RIC3: variants seen among roughly 807,000 people sequenced by gnomAD.
The protein encoded by RIC3 is RIC3 acetylcholine receptor chaperone, also known as protein RIC-3.
Under a neutral mutation model 27.3 loss-of-function variants are expected in RIC3, and 28 were observed. The observed-to-expected ratio is 1.02, with a 90% confidence interval of 0.76 to 1.41. The LOEUF is 1.41. RIC3 is among the 40% of genes most tolerant of loss of function. The probability of loss-of-function intolerance (pLI) is 0.00; values close to 1 mark genes in which losing one functional copy is unlikely to be tolerated. For missense variants in RIC3, 501 were observed against 444.7 expected, an observed-to-expected ratio of 1.13 and a Z score of -1.14; for synonymous variants, 184 against 160.4, an observed-to-expected ratio of 1.15 and a Z score of -1.11.
chr11:8,100,069 A>G, the RIC3 span, among the ~76,000 whole-genome samples: 2 of 152,130 alleles, frequency 1.3e-5, no homozygotes, highest in Non-Finnish European at 2.9e-5. Flanking sequence ...GGTGGGAAGG[A>G]GGAATAGGAG....
At chr11:8,111,180 T>TA (rs779983354) in intron 5 of RIC3, 43 bp from the exon 6 acceptor site, 11 of 1,180,800 alleles carry the variant, frequency 9.3e-6, no homozygotes, top group South Asian at 1.8e-5. Context: ...GAATGTCTCC[T>TA]CAAAAAAAAA....
At chr11:8,098,641 C>T in the RIC3 span, 1 of 735,788 alleles carries the variant, frequency 1.4e-6, no homozygotes, top group South Asian at 1.8e-5. Flanking sequence ...CCTCCCTGGG[C>T]CTGCTCCTGT....
intron 5 of RIC3, among the ~76,000 whole-genome samples, chr11:8,115,297 GAAAACA>G (rs1479523438): frequency 6.7e-6 from 1 of 149,088 alleles, no homozygotes; most frequent in Non-Finnish European, 1.5e-5. Context: ...AATGCTTACG[GAAAACA>G]AAAACAAAAA....
intron 1 of RIC3, among the ~76,000 whole-genome samples, chr11:8,163,067 A>C (rs557963636): frequency 7.9e-4 from 106 of 134,136 alleles, no homozygotes; most frequent in Non-Finnish European, 5.0e-4. Flanking sequence ...ACACACACAC[A>C]CCCCCCAAAA....
chr11:8,156,934 C>G (rs191028536), intron 1 of RIC3, among the ~76,000 whole-genome samples: 5 of 152,296 alleles, frequency 3.3e-5, no homozygotes. Context: ...AACACCATCT[C>G]TATCCAATTT....
chr11:8,126,600 T>G, intron 5 of RIC3, 59 bp downstream of exon 5: 4 of 1,590,386 alleles, frequency 2.5e-6, no homozygotes, highest in Non-Finnish European at 3.4e-6. Context: ...TTTTTAAAAA[T>G]CTGTAACATC....
chr11:8,164,583 CT>C (rs895409424), intron 1 of RIC3, among the ~76,000 whole-genome samples: 11 of 151,864 alleles, frequency 7.2e-5, no homozygotes, highest in African/African-American at 2.7e-4. Context: ...CAAGACCAGC[CT>C]GGGAAATATA....
At chr11:8,126,116 A>T (rs1287355058) in intron 5 of RIC3, among the ~76,000 whole-genome samples, 2 of 152,160 alleles carry the variant, frequency 1.3e-5, no homozygotes, top group African/African-American at 2.4e-5. Context: ...AAAGAAATAC[A>T]AATATATGTT....
chr11:8,156,615 G>A (rs1214752603), intron 1 of RIC3, among the ~76,000 whole-genome samples: 2 of 152,032 alleles, frequency 1.3e-5, no homozygotes, highest in Non-Finnish European at 2.9e-5. Context: ...TCAAACTAGG[G>A]TTCTCACCAT....
In RIC3 at chr11:8,120,020, C is replaced by T. The variant is rs530057127; in HGVS notation, c.670+6639G>A. On this transcript the variant is annotated intron_variant, in intron 5 of 5. Coordinates refer to ENST00000309737, the MANE Select transcript of RIC3 (RefSeq NM_001206671.4). Reference sequence around the variant, plus strand: ...ATCTCACGCCAGTTAGAATGGCAATCGTTAAAAAGTAAGGAAATAACAGAT... The same window carrying T: ...ATCTCACGCCAGTTAGAATGGCAATTGTTAAAAAGTAAGGAAATAACAGAT... Among the ~76,000 whole-genome samples the T allele has an allele frequency of 8.4e-4, 128 of 152,232 alleles. 2 individuals carry two copies. Among genetic ancestry groups the T allele is most frequent in the Admixed American group, 1.6e-3 (25 of 15,288 alleles).
the RIC3 span, chr11:8,095,571 C>T: frequency 6.2e-7 from 1 of 1,613,182 alleles, no homozygotes; most frequent in Middle Eastern, 1.7e-4. Flanking sequence ...TGACTGTGGG[C>T]CAGTCAGACC....
At chr11:8,141,929 G>T (rs1298939496) in intron 1 of RIC3, among the ~76,000 whole-genome samples, 3 of 151,784 alleles carry the variant, frequency 2.0e-5, no homozygotes, top group East Asian at 1.9e-4. Context: ...AATGACTACT[G>T]GATACATAAC....
intron 4 of RIC3, among the ~76,000 whole-genome samples, chr11:8,129,106 T>C (rs1008222456): frequency 6.6e-6 from 1 of 151,996 alleles, no homozygotes; most frequent in African/African-American, 2.4e-5. Context: ...AAGGGTCTTT[T>C]TCTCACATTT....
At chr11:8,096,167 CG>C in the RIC3 span, among the ~76,000 whole-genome samples, 1 of 152,156 alleles carries the variant, frequency 6.6e-6, no homozygotes, top group Non-Finnish European at 1.5e-5. Flanking sequence ...GAATGGCAGG[CG>C]GGAGGACAGC....
intron 1 of RIC3, among the ~76,000 whole-genome samples, chr11:8,162,689 AGGCT>A (rs946020493): frequency 8.1e-6 from 1 of 123,830 alleles, no homozygotes; most frequent in Non-Finnish European, 1.6e-5. Context: ...TCTGTCGCCC[AGGCT>A]GGAATGCAGT....
intron 4 of RIC3, among the ~76,000 whole-genome samples, chr11:8,136,551 G>A (rs1342422421): frequency 2.0e-5 from 3 of 152,166 alleles, no homozygotes; most frequent in Non-Finnish European, 4.4e-5. Flanking sequence ...CACCCTTTCA[G>A]ATCCTCAGCC....
chr11:8,121,309 A>T (rs778343665), intron 5 of RIC3, among the ~76,000 whole-genome samples: 1 of 152,234 alleles, frequency 6.6e-6, no homozygotes, highest in East Asian at 1.9e-4. Flanking sequence ...TACTTGTGAG[A>T]TTAAAATACT....
At chr11:8,123,582 T>C (rs1946695064) in intron 5 of RIC3, among the ~76,000 whole-genome samples, 1 of 152,188 alleles carries the variant, frequency 6.6e-6, no homozygotes, top group Non-Finnish European at 1.5e-5. Flanking sequence ...ATAATTAGAC[T>C]ATATTATGAA....
At chr11:8,148,793 A>ACAGCAGCAG (rs559354183) in intron 1 of RIC3, among the ~76,000 whole-genome samples, 3 of 151,720 alleles carry the variant, frequency 2.0e-5, no homozygotes, top group East Asian at 1.9e-4. Flanking sequence ...GACATAAATA[A>ACAGCAGCAG]CAGCAGCAGC....
Sources: gnomAD v4.1 joint callset for allele counts (sites outside exome capture counted in the v4.1 genomes callset) on GRCh38, gnomAD v4.1.1 for gene constraint, MANE v1.5 for transcripts, NCBI Gene and HGNC (gene_info 2026-07-23, HGNC 2026-07-21) for gene names.